The following R3HDM1 variants were observed in gnomAD, a reference collection of about 807,000 sequenced individuals.
R3HDM1 encodes R3H domain containing 1, also known as R3H domain-containing protein 1.
R3HDM1 carries 46 observed loss-of-function variants against 141.1 expected under a neutral mutation model. The observed-to-expected ratio is 0.33, with a 90% CI of 0.26 to 0.42. R3HDM1 has a LOEUF of 0.42. Ranked by LOEUF, R3HDM1 falls within the 10% of genes least tolerant of loss-of-function variation. The pLI, the probability that R3HDM1 is intolerant of heterozygous loss-of-function variation, is 1.00. For synonymous variants in R3HDM1, 435 were observed against 472.9 expected (o/e 0.92, Z 1.04); for missense variants, 1,184 against 1,368.3 (o/e 0.87, Z 2.12).
chr2:135,592,657 C>T (rs2105067615), intron 1 of R3HDM1, among the ~76,000 whole-genome samples: 1 of 152,140 alleles, frequency 6.6e-6, no homozygotes, highest in Non-Finnish European at 1.5e-5. Context: ...GAATCCAAAC[C>T]TTTTGAATGT....
At position 135,604,870 on chromosome 2, in the gene R3HDM1, G is replaced by A. The variant is rs139319429; in HGVS notation, c.25G>A (p.Val9Ile). Reference protein sequence around the residue: MRMSDTVTVKDETATMKDL... With the variant: MRMSDTVTIKDETATMKDL... ...AATGAGGATGTCTGATACTGTTACT[G>A]TAAAAGATGAAACTGCAACAATGAA... Residue 9 changes from valine to isoleucine, a missense_variant, in exon 3 of 27, where the codon GTA (valine) becomes ATA (isoleucine). Transcript: ENST00000683871. The A allele has an allele frequency of 9.9e-6, 16 of 1,611,972 alleles. No individual in the cohort carries two copies. Among genetic ancestry groups the A allele is most frequent in the Non-Finnish European group, 1.4e-5 (16 of 1,178,684 alleles).
intron 7 of R3HDM1, among the ~76,000 whole-genome samples, chr2:135,629,852 TAA>T (rs1332820545): frequency 3.3e-5 from 5 of 152,204 alleles, no homozygotes; most frequent in Middle Eastern, 6.8e-3. Context: ...TATGTGTTCT[TAA>T]AAGATTGTTA....
chr2:135,577,770 A>G (rs1705800957), intron 1 of R3HDM1, among the ~76,000 whole-genome samples: 1 of 150,716 alleles, frequency 6.6e-6, no homozygotes, highest in African/African-American at 2.4e-5. Flanking sequence ...CTCGGGAGGC[A>G]GAGGTTACGA....
At chr2:135,693,341 A>G (rs1451670116) in intron 21 of R3HDM1, among the ~76,000 whole-genome samples, 4 of 152,126 alleles carry the variant, frequency 2.6e-5, no homozygotes, top group Non-Finnish European at 5.9e-5. Context: ...CAACTCCTGT[A>G]CTAGATGGTT....
intron 1 of R3HDM1, among the ~76,000 whole-genome samples, chr2:135,558,195 A>T (rs2104949665): frequency 1.3e-5 from 2 of 152,348 alleles, no homozygotes. Flanking sequence ...ACAGTGATGG[A>T]ATTGTTTCGT....
intron 19 of R3HDM1, among the ~76,000 whole-genome samples, chr2:135,662,022 A>G (rs2066785590): frequency 6.6e-6 from 1 of 152,216 alleles, no homozygotes; most frequent in African/African-American, 2.4e-5. Context: ...AGTGAAAACA[A>G]TTTTGATCTC....
At chr2:135,659,123 A>C (rs2066333114) in intron 18 of R3HDM1, among the ~76,000 whole-genome samples, 1 of 149,110 alleles carries the variant, frequency 6.7e-6, no homozygotes, top group Non-Finnish European at 1.5e-5. Flanking sequence ...TTTGAGACAG[A>C]GTCTCACTTT....
chr2:135,628,615 CTTGTTTGTTTGT>C (rs112512085), intron 7 of R3HDM1, among the ~76,000 whole-genome samples: 1 of 151,940 alleles, frequency 6.6e-6, no homozygotes. Context: ...TGCCTCCTTT[CTTGTTTGTTTGT>C]TTGTTTGTTT....
intron 19 of R3HDM1, chr2:135,667,692 G>A: frequency 4.1e-6 from 4 of 976,680 alleles, no homozygotes; most frequent in Non-Finnish European, 4.9e-6. Context: ...TTTGAAACCT[G>A]TTGATACTTT....
At chr2:135,533,391 G>A (rs1033744023) in intron 1 of R3HDM1, among the ~76,000 whole-genome samples, 2 of 152,224 alleles carry the variant, frequency 1.3e-5, no homozygotes. Context: ...GAACTTAAGA[G>A]TTAATTGATA....
intron 1 of R3HDM1, among the ~76,000 whole-genome samples, chr2:135,532,270 A>G (rs754765171): frequency 7.2e-5 from 11 of 152,376 alleles, no homozygotes; most frequent in Non-Finnish European, 1.0e-4. Flanking sequence ...AATGACTGTC[A>G]GTGCCACGGT....
chr2:135,534,833 T>C (rs1362671428), intron 1 of R3HDM1, among the ~76,000 whole-genome samples: 1 of 152,220 alleles, frequency 6.6e-6, no homozygotes, highest in African/African-American at 2.4e-5. Context: ...TTTTTTTTCT[T>C]CTTTTTTGAA....
At chr2:135,595,919 A>G (rs2059135861) in intron 1 of R3HDM1, among the ~76,000 whole-genome samples, 1 of 152,190 alleles carries the variant, frequency 6.6e-6, no homozygotes, top group South Asian at 2.1e-4. Flanking sequence ...AGCTAAAATC[A>G]TTCTCCCTGG....
At chr2:135,673,391 A>G (rs2068692997) in intron 19 of R3HDM1, among the ~76,000 whole-genome samples, 1 of 152,150 alleles carries the variant, frequency 6.6e-6, no homozygotes, top group African/African-American at 2.4e-5. Context: ...TCATGTTCAC[A>G]TTTCATTTCC....
chr2:135,628,791 A>G lies in R3HDM1; in HGVS notation c.498-2927A>G, dbSNP rs555142494. Among the ~76,000 whole-genome samples, 5 of 151,918 alleles carry G rather than the reference A, an allele frequency of 3.3e-5. No individual in the cohort carries two copies. The East Asian group carries it at 9.8e-4, about 30-fold the overall frequency. On this transcript the variant is annotated intron_variant, in intron 7 of 26. Transcript: ENST00000683871. ...CAGGCATGCGCCACCACGCCCGGCTATTTTTGTATTTTTAGTAGAGATGGG... is the reference window on the plus strand; with the variant it reads ...CAGGCATGCGCCACCACGCCCGGCTGTTTTTGTATTTTTAGTAGAGATGGG...
intron 19 of R3HDM1, among the ~76,000 whole-genome samples, chr2:135,664,507 C>T (rs753881475): frequency 2.0e-5 from 3 of 152,038 alleles, no homozygotes; most frequent in Non-Finnish European, 2.9e-5. Flanking sequence ...AATTAACAAG[C>T]CCAACTGAGC....
intron 1 of R3HDM1, among the ~76,000 whole-genome samples, chr2:135,541,366 C>T (rs1697458167): frequency 6.6e-6 from 1 of 152,102 alleles, no homozygotes; most frequent in African/African-American, 2.4e-5. Context: ...CGCCACCATG[C>T]CCGGCTAATT....
chr2:135,639,665 T>G (rs1195953791), intron 14 of R3HDM1, among the ~76,000 whole-genome samples: 4 of 152,360 alleles, frequency 2.6e-5, no homozygotes, highest in Non-Finnish European at 5.9e-5. Flanking sequence ...TACTACCTGC[T>G]TCCTTGGAGT....
intron 21 of R3HDM1, among the ~76,000 whole-genome samples, chr2:135,706,243 C>T (rs573769190): frequency 5.7e-4 from 86 of 151,734 alleles, no homozygotes; most frequent in African/African-American, 2.1e-3. Flanking sequence ...CTCTACCTTA[C>T]GTAGAGAAGA....
Sources: allele counts gnomAD v4.1 joint callset (sites outside exome capture counted in the v4.1 genomes callset), GRCh38; gene constraint gnomAD v4.1.1; transcripts MANE v1.5; gene names NCBI Gene and HGNC (gene_info 2026-07-23, HGNC 2026-07-21).